Variants in RAB43 observed in about 807,000 individuals in gnomAD.
The protein encoded by RAB43 is ras-related protein Rab-43.
In RAB43, 6 loss-of-function variants were observed where a neutral mutation model predicts 18.8. That is an observed-to-expected ratio of 0.32 (90% CI 0.17 to 0.63). The LOEUF (loss-of-function observed/expected upper bound fraction) is 0.63, where lower values mean the gene tolerates loss of function less well. Among genes scored for constraint, RAB43 ranks in the 30% least tolerant of loss-of-function variants. The pLI, the probability that RAB43 is intolerant of heterozygous loss-of-function variation, is 0.79. For missense variants in RAB43, 195 were observed against 289.1 expected (o/e 0.67, Z 2.36); for synonymous variants, 103 against 124.1 (o/e 0.83, Z 1.13).
intron 1 of RAB43, among the ~76,000 whole-genome samples, chr3:129,099,974 G>A (rs1442459966): frequency 1.3e-5 from 2 of 152,060 alleles, no homozygotes; most frequent in Non-Finnish European, 2.9e-5. Flanking sequence ...ACTAATGACT[G>A]AAAAATCTCC....
chr3:129,094,179 G>T (rs1257190593), intron 2 of RAB43, among the ~76,000 whole-genome samples: 1 of 152,212 alleles, frequency 6.6e-6, no homozygotes, highest in African/African-American at 2.4e-5. Flanking sequence ...TGCTCTGGAG[G>T]TTGAGGCCCT....
chr3:129,094,017 G>A (rs1933851783), intron 2 of RAB43, among the ~76,000 whole-genome samples: 2 of 152,346 alleles, frequency 1.3e-5, no homozygotes, highest in South Asian at 4.1e-4. Context: ...TCCAGGTCTG[G>A]GAAGGTTATA....
chr3:129,122,137 C>T (rs1033989085), upstream of RAB43: 1 of 167,692 alleles, frequency 6.0e-6, no homozygotes, highest in African/African-American at 2.5e-5. Context: ...CCTCAGCCCT[C>T]CCCGACTCCG....
intron 2 of RAB43, among the ~76,000 whole-genome samples, chr3:129,093,767 G>T (rs184949930): frequency 9.2e-5 from 14 of 152,178 alleles, no homozygotes; most frequent in African/African-American, 3.1e-4. Flanking sequence ...TCCAGGCCCT[G>T]TCTGTACATT....
At chr3:129,105,281 T>C (rs1360664060) in intron 1 of RAB43, among the ~76,000 whole-genome samples, 10 of 151,902 alleles carry the variant, frequency 6.6e-5, no homozygotes, top group Admixed American at 5.9e-4. Context: ...GACGAAACCT[T>C]GTCTCTACTA....
At chr3:129,093,032 A>G (rs1337997729) in intron 2 of RAB43, among the ~76,000 whole-genome samples, 1 of 150,682 alleles carries the variant, frequency 6.6e-6, no homozygotes, top group Non-Finnish European at 1.5e-5. Context: ...ACTCTGTCGC[A>G]TAGGCTGGAG....
intron 2 of RAB43, 24 bp from the exon 3 acceptor site, chr3:129,091,370 A>G: frequency 1.9e-6 from 3 of 1,599,566 alleles, no homozygotes; most frequent in Non-Finnish European, 2.6e-6. Context: ...CCGGGGCAGC[A>G]TGAGGCCATG....
At chr3:129,091,881 C>T (rs1268264109) in intron 2 of RAB43, among the ~76,000 whole-genome samples, 1 of 151,762 alleles carries the variant, frequency 6.6e-6, no homozygotes, top group East Asian at 1.9e-4. Flanking sequence ...GCCTGGCCAA[C>T]ATGATGAAAC....
chr3:129,091,148 T>C lies in RAB43; in HGVS notation c.587A>G (p.His196Arg). The C allele has an allele frequency of 1.3e-6, 2 of 1,580,382 alleles. No homozygotes were observed. Among genetic ancestry groups the C allele is most frequent in the Non-Finnish European group, 1.7e-6 (2 of 1,160,804 alleles). Residue 196 changes from histidine (H) to arginine (R), a missense_variant, in exon 3 of 3, where the codon CAC becomes CGC. Transcript: ENST00000315150. ...GATGTCCTTGCTGTTCAGCTGGATG[T>C]GGTCGGGGCTCTTCTCGCTGAACAA... ...GPLFSEKSPDHIQLNSKDIGE... is the reference protein window; with the variant it reads ...GPLFSEKSPDRIQLNSKDIGE...
At chr3:129,106,245 G>A (rs1248802787) in intron 1 of RAB43, among the ~76,000 whole-genome samples, 4 of 152,228 alleles carry the variant, frequency 2.6e-5, no homozygotes, top group African/African-American at 9.6e-5. Context: ...AGCAGGCAGT[G>A]GAAAGTTCCT....
Position 129,095,302 on chromosome 3 carries a change from A to G in RAB43, c.205-133T>C, listed in dbSNP as rs1576818123. The G allele has an allele frequency of 1.6e-6, 2 of 1,268,194 alleles. No individual in the cohort carries two copies. Among genetic ancestry groups the G allele is most frequent in the Non-Finnish European group, 2.1e-6 (2 of 938,450 alleles). The allele number at this position is 1,268,194 out of a possible 1,614,324, so 78.6% of individuals were successfully genotyped here. ...GAGGCCTTCTGAGTCCTTAGAAAGC[A>G]ACTCAATGGCTCAACCTTGTTGGAA... On this transcript the variant is annotated intron_variant, in intron 1 of 2. Transcript: ENST00000315150. This position sits in a 1 kb window ranked among gnomAD's most constrained non-coding sequence, Gnocchi z 4.2.
chr3:129,108,413 C>G (rs886261171), intron 1 of RAB43, among the ~76,000 whole-genome samples: 8 of 152,214 alleles, frequency 5.3e-5, no homozygotes, highest in Non-Finnish European at 1.2e-4. Flanking sequence ...GTTACCACAG[C>G]CACAGCATTA....
At chr3:129,121,155 A>T in intron 1 of RAB43, 131 bp downstream of exon 1, 1 of 626,012 alleles carries the variant, frequency 1.6e-6, no homozygotes, top group Non-Finnish European at 2.4e-6. Flanking sequence ...CTCCGACCCG[A>T]GGAAGGAAAA....
At chr3:129,092,452 C>T (rs1933723961) in intron 2 of RAB43, 1 of 683,110 alleles carries the variant, frequency 1.5e-6, no homozygotes, top group African/African-American at 1.8e-5. Context: ...GTAATGGGTA[C>T]CTGGGGGCTC....
intron 2 of RAB43, among the ~76,000 whole-genome samples, chr3:129,092,123 A>G (rs1933710159): frequency 6.6e-6 from 1 of 151,906 alleles, no homozygotes; most frequent in African/African-American, 2.4e-5. Flanking sequence ...TAATTGATGT[A>G]GCAACCAGTT....
intron 1 of RAB43, among the ~76,000 whole-genome samples, chr3:129,114,978 C>A (rs1219846338): frequency 6.6e-6 from 1 of 152,022 alleles, no homozygotes; most frequent in Non-Finnish European, 1.5e-5. Flanking sequence ...TGACCCCCAC[C>A]CCCCGCAATC....
chr3:129,110,868 T>C (rs1056118774), intron 1 of RAB43, among the ~76,000 whole-genome samples: 2 of 151,694 alleles, frequency 1.3e-5, no homozygotes, highest in Admixed American at 1.3e-4. Context: ...GGAATTTTTA[T>C]CATATGTGGA....
chr3:129,103,266 C>T (rs964665834), intron 1 of RAB43, among the ~76,000 whole-genome samples: 5 of 152,168 alleles, frequency 3.3e-5, no homozygotes, highest in East Asian at 3.9e-4. Context: ...ACCTCCCTAC[C>T]GCCACTCCAG....
At chr3:129,115,492 G>A (rs1419989298) in intron 1 of RAB43, among the ~76,000 whole-genome samples, 3 of 150,858 alleles carry the variant, frequency 2.0e-5, no homozygotes, top group Non-Finnish European at 4.4e-5. Flanking sequence ...CAACAAGAGC[G>A]AAACCCCGTC....
Sources: allele counts gnomAD v4.1 joint callset (sites outside exome capture counted in the v4.1 genomes callset), GRCh38; gene constraint gnomAD v4.1.1; non-coding constraint Gnocchi (gnomAD v3.1); transcripts MANE v1.5; gene names NCBI Gene and HGNC (gene_info 2026-07-23, HGNC 2026-07-21).